UNC80: variants seen among roughly 807,000 people sequenced by gnomAD.
UNC80 encodes the protein protein unc-80 homolog.
In UNC80, 164 loss-of-function variants were observed where a neutral mutation model predicts 384.6. That is an observed-to-expected ratio of 0.43 (90% CI 0.38 to 0.49). The LOEUF (loss-of-function observed/expected upper bound fraction) is 0.49, where lower values mean the gene tolerates loss of function less well. Among genes scored for constraint, UNC80 ranks in the 20% least tolerant of loss-of-function variants. The probability of loss-of-function intolerance (pLI) is 0.00; values close to 1 mark genes in which losing one functional copy is unlikely to be tolerated. For synonymous variants in UNC80, 1,486 were observed against 1,527.8 expected (o/e 0.97, Z 0.64); for missense variants, 3,330 against 4,143.0 (o/e 0.80, Z 5.39).
chr2:209,786,188 A>G lies in UNC80; in HGVS notation c.723A>G (p.Thr241=), dbSNP rs747807710. The change falls in exon 5 of 65, where the codon ACA becomes ACG. Residue 241 remains threonine (T), a splice_region_variant and synonymous_variant. Coordinates refer to ENST00000673920, the MANE Select transcript of UNC80 (RefSeq NM_001371986.1). ...TGAAGCCCATCAGGAACATCATTAC[A>G]GGTTTGTAACTTGGACACTCAGTAG... ...ALVKPIRNII[T]AKRSSPINSQ... is the part of the protein sequence containing the mutation. The G allele has an allele frequency of 3.3e-5, 53 of 1,613,590 alleles. No individual in the cohort carries two copies. The highest frequency in any genetic ancestry group is 4.5e-5 in the Non-Finnish European group (53 of 1,179,690).
intron 52 of UNC80, chr2:209,968,364 T>G (rs892616090): frequency 1.3e-5 from 2 of 152,190 alleles, no homozygotes; most frequent in Non-Finnish European, 2.9e-5. Context: ...AGTGAGAAAA[T>G]TTTCTGTCCT....
chr2:209,820,395 T>C lies in UNC80; in HGVS notation c.2047T>C (p.Leu683=). ...CDVALNIVEC[L]LQLGVVPCVE... ...CGTGGCGCTAAACATTGTGGAATGCTTGCTTCAACTTGGTGTGGTGCCCTG... is the reference window on the plus strand; with the variant it reads ...CGTGGCGCTAAACATTGTGGAATGCCTGCTTCAACTTGGTGTGGTGCCCTG... The change falls in exon 13 of 65, where the codon TTG becomes CTG. Residue 683 remains leucine (L), a synonymous_variant. Coordinates refer to ENST00000673920, the MANE Select transcript of UNC80 (RefSeq NM_001371986.1). 1 of 1,551,966 alleles carries C rather than the reference T, an allele frequency of 6.4e-7. No individual in the cohort carries two copies. The highest frequency in any genetic ancestry group is 1.2e-5 in the South Asian group (1 of 84,054).
At chr2:209,942,932 A>T (rs1001320777) in intron 44 of UNC80, among the ~76,000 whole-genome samples, 2 of 152,094 alleles carry the variant, frequency 1.3e-5, no homozygotes, top group Non-Finnish European at 2.9e-5. Flanking sequence ...TTCATATAAC[A>T]CTAAGAATAT....
At chr2:209,813,942 T>C (rs2079545508) in intron 8 of UNC80, 101 bp downstream of exon 8, 1 of 1,418,508 alleles carries the variant, frequency 7.0e-7, no homozygotes, top group African/African-American at 1.4e-5. Flanking sequence ...TAGTGCTGAC[T>C]TTTTGGTTGG....
rs906766465 is a variant in UNC80, at chr2:209,886,854, G to T, written c.4111-1241G>T. ...TAGCTGTTTATAGCAGCACAAACAT[G>T]TCACAGTTCTGGAGGACAGAAATCC... is the stretch of plus-strand genomic sequence containing the variant. On this transcript the variant is annotated intron_variant, in intron 25 of 64. Transcript: ENST00000673920. Among the ~76,000 whole-genome samples the T allele has an allele frequency of 1.4e-4, 22 of 152,240 alleles. 1 individual carries two copies. Among genetic ancestry groups the T allele is most frequent in the African/African-American group, 5.3e-4 (22 of 41,544 alleles).
At chr2:209,829,887 A>G (rs1454782331) in intron 15 of UNC80, among the ~76,000 whole-genome samples, 2 of 152,194 alleles carry the variant, frequency 1.3e-5, no homozygotes, top group South Asian at 2.1e-4. Context: ...AATTTTTTTT[A>G]AAAAGGCAAA....
chr2:209,881,128 ACTC>A (rs1283777649), intron 25 of UNC80, 34 bp downstream of exon 25: 1 of 1,550,344 alleles, frequency 6.5e-7, no homozygotes, highest in South Asian at 1.2e-5. Flanking sequence ...TAATCAGGTT[ACTC>A]GGAGAGGCCA....
chr2:209,777,306 T>C lies in UNC80; in HGVS notation c.347T>C (p.Leu116Pro). Residue 116 changes from leucine (L) to proline (P), a missense_variant, in exon 4 of 65, where the codon CTA becomes CCA. Around this residue, in one of 8 missense-constraint regions of UNC80, gnomAD observed 86 missense variants for 141.5 expected, o/e 0.61. Coordinates refer to ENST00000673920, the MANE Select transcript of UNC80 (RefSeq NM_001371986.1). ...GVAETKLLHTLHWMLLEAPQD... is the reference protein window; with the variant it reads ...GVAETKLLHTPHWMLLEAPQD... ...GCTGAGACAAAGCTCCTTCACACTC[T>C]ACACTGGATGCTTCTGGAGGCCCCC... 1 of 1,613,648 alleles carries C rather than the reference T, an allele frequency of 6.2e-7. No individual in the cohort carries two copies. The highest frequency in any genetic ancestry group is 8.5e-7 in the Non-Finnish European group (1 of 1,179,844).
At chr2:209,821,873 CAT>C (rs2153827921) in intron 13 of UNC80, among the ~76,000 whole-genome samples, 1 of 152,272 alleles carries the variant, frequency 6.6e-6, no homozygotes, top group African/African-American at 2.4e-5. Context: ...AGTGTTTACA[CAT>C]GTGAAGTTAT....
At chr2:209,918,165 C>T (rs2124948538) in intron 32 of UNC80, among the ~76,000 whole-genome samples, 1 of 152,298 alleles carries the variant, frequency 6.6e-6, no homozygotes, top group South Asian at 2.1e-4. Context: ...AATCAAGTCT[C>T]TATAAACCTC....
intron 61 of UNC80, among the ~76,000 whole-genome samples, chr2:209,986,821 C>T (rs1409193351): frequency 2.6e-5 from 4 of 152,178 alleles, no homozygotes; most frequent in Non-Finnish European, 4.4e-5. Context: ...AACTACATCA[C>T]GTCACCAAGT....
chr2:209,772,380 A>T (rs1239700313), intron 1 of UNC80, among the ~76,000 whole-genome samples: 1 of 147,188 alleles, frequency 6.8e-6, no homozygotes, highest in East Asian at 2.2e-4. Context: ...CGACAAGCAG[A>T]TTGGCAGTTG....
chr2:209,879,895 A>G (rs1441609324), intron 24 of UNC80, among the ~76,000 whole-genome samples: 2 of 152,242 alleles, frequency 1.3e-5, no homozygotes, highest in Non-Finnish European at 2.9e-5. Flanking sequence ...AAATATCTAC[A>G]GAAAGACCGT....
chr2:209,772,722 G>T (rs917653881), intron 1 of UNC80, among the ~76,000 whole-genome samples: 11 of 152,120 alleles, frequency 7.2e-5, no homozygotes, highest in Admixed American at 4.6e-4. Context: ...TTATTTTAGA[G>T]ATTTATCAGA....
intron 52 of UNC80, chr2:209,969,053 G>A (rs2092810802): frequency 1.3e-5 from 2 of 152,282 alleles, no homozygotes; most frequent in South Asian, 2.1e-4. Flanking sequence ...AGCTTAGAAA[G>A]TATTGCCAGG....
intron 22 of UNC80, 53 bp downstream of exon 22, chr2:209,849,676 T>C: frequency 4.6e-6 from 7 of 1,511,538 alleles, no homozygotes; most frequent in Non-Finnish European, 6.3e-6. Flanking sequence ...AGTAGCACTA[T>C]TAACAGAGGT....
At chr2:209,851,486 TGTGA>T in intron 22 of UNC80, among the ~76,000 whole-genome samples, 1 of 152,230 alleles carries the variant, frequency 6.6e-6, no homozygotes, top group South Asian at 2.1e-4. Flanking sequence ...CCAGAGTCAA[TGTGA>T]GTTATAAGAT....
chr2:209,869,938 A>G (rs1388792962), intron 22 of UNC80, among the ~76,000 whole-genome samples: 1 of 152,198 alleles, frequency 6.6e-6, no homozygotes, highest in Admixed American at 6.5e-5. Context: ...TTAAGCAACT[A>G]AAGTAATTTT....
At chr2:209,840,490 T>C in intron 19 of UNC80, 52 bp from the exon 20 acceptor site, 1 of 1,443,910 alleles carries the variant, frequency 6.9e-7, no homozygotes, top group East Asian at 2.5e-5. Flanking sequence ...TTCTGTTTAA[T>C]TGATTGGATA....
Sources: allele counts gnomAD v4.1 joint callset (sites outside exome capture counted in the v4.1 genomes callset), GRCh38; gene constraint gnomAD v4.1.1; regional missense constraint gnomAD v4.1.1; transcripts MANE v1.5; gene names NCBI Gene and HGNC (gene_info 2026-07-23, HGNC 2026-07-21).